ATP6AP1: variants seen among roughly 807,000 people sequenced by gnomAD.
ATP6AP1 encodes ATPase H+ transporting accessory protein 1, also known as V-type proton ATPase subunit S1.
Under a neutral mutation model 32.0 loss-of-function variants are expected in ATP6AP1, and 1 was observed. That is an observed-to-expected ratio of 0.03 (90% confidence interval 0.01 to 0.15). ATP6AP1 has a LOEUF of 0.15. Ranked by LOEUF, ATP6AP1 falls within the 10% of genes least tolerant of loss-of-function variation. The pLI, the probability that ATP6AP1 is intolerant of heterozygous loss-of-function variation, is 1.00. For synonymous variants in ATP6AP1, 187 were observed against 174.9 expected (o/e 1.07, Z -0.55); for missense variants, 297 against 398.8 (o/e 0.74, Z 2.17).
chrX:154,429,116 A>T lies in ATP6AP1; in HGVS notation c.230A>T (p.Tyr77Phe). ...HITSDLQLSTYLDPALELGPR... is the reference protein window; with the variant it reads ...HITSDLQLSTFLDPALELGPR... ...ACCAGCGACTTGCAGCTCTCTACCTACTTAGATCCCGCCCTGGAGCTGGGT... is the reference window on the plus strand; with the variant it reads ...ACCAGCGACTTGCAGCTCTCTACCTTCTTAGATCCCGCCCTGGAGCTGGGT... Residue 77 changes from tyrosine (Y) to phenylalanine (F), a missense_variant, in exon 2 of 10, where the codon TAC (tyrosine) becomes TTC (phenylalanine). Tyr to Phe is a conservative substitution (Grantham distance 22). Coordinates refer to ENST00000369762, the MANE Select transcript of ATP6AP1 (RefSeq NM_001183.6). 8.3e-7 allele frequency: 1 copy of T among 1,211,049 alleles called. No homozygotes were observed. The highest frequency in any genetic ancestry group is 1.7e-5 in the African/African-American group (1 of 57,592).
In ATP6AP1 at chrX:154,428,859, C is replaced by CG; in HGVS notation, c.161+9dup. 1 of 1,088,527 alleles carries CG rather than the reference C, an allele frequency of 9.2e-7. No individual in the cohort carries two copies. Among genetic ancestry groups the CG allele is most frequent in the Non-Finnish European group, 1.2e-6 (1 of 844,384 alleles). The allele number at this position is 1,088,527 out of a possible 1,213,427, so 89.7% of individuals were successfully genotyped here. The stretch of plus-strand genomic sequence containing the variant: ...GTGCTGTGGTCGAGTGACCGGTGAG[C>CG]GGGCCGGGGTGGGATGCGCTGTGGC... On this transcript the variant is annotated splice_region_variant and intron_variant, in intron 1 of 9. Coordinates refer to ENST00000369762, the MANE Select transcript of ATP6AP1 (RefSeq NM_001183.6).
At chrX:154,434,110 G>C (rs2068707276) in intron 6 of ATP6AP1, 98 bp from the exon 7 acceptor site, 19 of 832,997 alleles carry the variant, frequency 2.3e-5, no homozygotes, top group Non-Finnish European at 3.6e-6. Context: ...TAGTGGACAG[G>C]GTGTCCTGTT....
intron 2 of ATP6AP1, 67 bp from the exon 3 acceptor site, chrX:154,431,763 C>A: frequency 1.8e-6 from 2 of 1,083,598 alleles, no homozygotes; most frequent in Non-Finnish European, 1.3e-6. Context: ...GGGAAGGTGG[C>A]TGTCCCCTGC....
At chrX:154,432,043 C>G in intron 3 of ATP6AP1, 139 bp downstream of exon 3, 1 of 737,972 alleles carries the variant, frequency 1.4e-6, no homozygotes, top group Non-Finnish European at 2.0e-6. Context: ...CCAAAAACAA[C>G]AACAACAACA....
Position 154,436,396 on chromosome X carries a change from C to G in ATP6AP1, c.*505C>G, listed in dbSNP as rs2068719867. ...TGTGGCCTGAGAAGGAAGGGACCTC[C>G]ACGACAGGTGGGCTGGGTGCGATCG... On this transcript the variant is annotated 3_prime_UTR_variant, in exon 10 of 10. Transcript: ENST00000369762. 8.7e-6 allele frequency: 1 copy of G among 115,273 alleles called. No individual in the cohort carries two copies. The highest frequency in any genetic ancestry group is 3.3e-5 in the African/African-American group (1 of 30,673). The allele number at this position is 115,273 out of a possible 1,213,427, so 9.5% of individuals were successfully genotyped here. A position where few individuals can be genotyped will look rare whatever the true frequency, so the allele number is the denominator to read the frequency against.
rs1323458317 is a variant in ATP6AP1 at position 154,436,051 on chromosome X, T to C, written c.*160T>C. On this transcript the variant is annotated 3_prime_UTR_variant, in exon 10 of 10. Transcript: ENST00000369762. ...TCCCTCTTCAGCCCGCTGAGGAGCT[T>C]TCTTGGGCTGCCCCCATCTCTCCCA... 1 of 517,885 alleles carries C rather than the reference T, an allele frequency of 1.9e-6. No individual in the cohort carries two copies. Among genetic ancestry groups the C allele is most frequent in the Admixed American group, 3.5e-5 (1 of 28,690 alleles). The allele number at this position is 517,885 out of a possible 1,213,427, so 42.7% of individuals were successfully genotyped here.
rs1447794594 is a variant in ATP6AP1 at position 154,428,734 on chromosome X, G to T, written c.42G>T (p.Pro14=). 3 of 1,147,515 alleles carry T rather than the reference G, an allele frequency of 2.6e-6. No homozygotes were observed. In the South Asian group the frequency reaches 5.8e-5, roughly 22 times the overall value. The allele number at this position is 1,147,515 out of a possible 1,213,427, so 94.6% of individuals were successfully genotyped here. ...AMATARVRMG[P]RCAQALWRMP... ...CGACGGCTCGAGTGCGGATGGGGCC[G>T]CGGTGCGCCCAGGCGCTCTGGCGCA... The change falls in exon 1 of 10, where the codon CCG becomes CCT. Residue 14 remains proline, a synonymous_variant. Transcript: ENST00000369762.
rs782708418 is a variant in ATP6AP1 at position 154,435,502 on chromosome X, C to T, written c.1200C>T (p.Phe400=). The T allele has an allele frequency of 8.3e-7, 1 of 1,210,314 alleles. No individual in the cohort carries two copies. The highest frequency in any genetic ancestry group is 1.8e-5 in the South Asian group (1 of 56,997). The change falls in exon 9 of 10, where the codon TTC becomes TTT. Residue 400 remains phenylalanine, a synonymous_variant. Transcript: ENST00000369762. ...CCTGGCAGATGATGCTTCAGGACTT[C>T]CAGGTATGGAGCGGGCGTGGCCCAG... ...PSPWQMMLQD[F]QIQAFNVMGE... is the part of the protein sequence containing the mutation.
Position 154,436,180 on chromosome X carries a change from T to C in ATP6AP1, c.*289T>C. 2.8e-6 allele frequency: 1 copy of C among 353,077 alleles called. No individual in the cohort carries two copies. The allele number at this position is 353,077 out of a possible 1,213,427, so 29.1% of individuals were successfully genotyped here. A position where few individuals can be genotyped will look rare whatever the true frequency, so the allele number is the denominator to read the frequency against. On this transcript the variant is annotated 3_prime_UTR_variant, in exon 10 of 10. Coordinates refer to ENST00000369762, the MANE Select transcript of ATP6AP1 (RefSeq NM_001183.6). ...AATTCTAGGGTCTCCTTTCTCCTTATTTATTCTTGTGGCTACATCATCCCT... is the reference window on the plus strand; with the variant it reads ...AATTCTAGGGTCTCCTTTCTCCTTACTTATTCTTGTGGCTACATCATCCCT...
Position 154,436,240 on chromosome X carries a change from C to G in ATP6AP1, c.*349C>G, listed in dbSNP as rs1243595180. ...TAGTGCTTTTGTGTAGCAAATGCTCCCTCCTTAAGGTTATAGGGCTCCCTG... is the reference window on the plus strand; with the variant it reads ...TAGTGCTTTTGTGTAGCAAATGCTCGCTCCTTAAGGTTATAGGGCTCCCTG... On this transcript the variant is annotated 3_prime_UTR_variant, in exon 10 of 10. Transcript: ENST00000369762. 2.4e-5 allele frequency: 6 copies of G among 253,044 alleles called. No homozygotes were observed. The highest frequency in any genetic ancestry group is 3.5e-5 in the Non-Finnish European group (5 of 142,298). The allele number at this position is 253,044 out of a possible 1,213,427, so 20.9% of individuals were successfully genotyped here. A position where few individuals can be genotyped will look rare whatever the true frequency, so the allele number is the denominator to read the frequency against.
At chrX:154,432,522 T>C (rs929867343) in intron 4 of ATP6AP1, 63 bp downstream of exon 4, 15 of 1,095,172 alleles carry the variant, frequency 1.4e-5, no homozygotes, top group Middle Eastern at 3.6e-4. Context: ...CCCTGGGCTA[T>C]GGCATGTGGT....
At chrX:154,429,013 C>T (rs1557196345) in intron 1 of ATP6AP1, 35 bp from the exon 2 acceptor site, 1 of 1,202,774 alleles carries the variant, frequency 8.3e-7, no homozygotes, top group Admixed American at 2.2e-5. Context: ...CCACATGCGC[C>T]CCCGTCTGAC....
chrX:154,433,103 G>A, intron 5 of ATP6AP1, 132 bp downstream of exon 5: 2 of 791,564 alleles, frequency 2.5e-6, no homozygotes, highest in Non-Finnish European at 3.7e-6. Flanking sequence ...AGCTGGCAGT[G>A]GAGCAGGGAA....
intron 6 of ATP6AP1, among the ~76,000 whole-genome samples, 158 bp downstream of exon 6, chrX:154,433,878 G>A (rs1451976570): frequency 2.7e-5 from 3 of 111,630 alleles, no homozygotes; most frequent in African/African-American, 6.5e-5. Flanking sequence ...ACTATTTGGA[G>A]TGGCTGACTC....
In ATP6AP1 at chrX:154,436,091, T is replaced by C. The variant is rs1422514572; in HGVS notation, c.*200T>C. On this transcript the variant is annotated 3_prime_UTR_variant, in exon 10 of 10. Transcript: ENST00000369762. ...CATCTCTCCCAACAAGGTGTACATA[T>C]TCTGCGTAGATGCTAGACCAACCAG... 7 of 452,562 alleles carry C rather than the reference T, an allele frequency of 1.5e-5. No homozygotes were observed. Among genetic ancestry groups the C allele is most frequent in the Non-Finnish European group, 1.9e-5 (5 of 263,321 alleles). The allele number at this position is 452,562 out of a possible 1,213,427, so 37.3% of individuals were successfully genotyped here.
intron 2 of ATP6AP1, 153 bp downstream of exon 2, chrX:154,429,327 A>G (rs1557196429): frequency 1.4e-6 from 1 of 707,624 alleles, no homozygotes; most frequent in South Asian, 2.9e-5. Context: ...GGCCTGTAGT[A>G]AACGCTTCAG....
Position 154,435,048 on chromosome X carries a change from T to C in ATP6AP1, c.924-91T>C, listed in dbSNP as rs182392796. On this transcript the variant is annotated intron_variant, in intron 7 of 9. Transcript: ENST00000369762. ...GTGGCTGCAAGGACCCAAGGCAGCT[T>C]AGGTAGGAGCAGAGCTGAGGAACTT... 1.6e-3 allele frequency: 1,607 copies of C among 1,032,958 alleles called. 16 individuals are homozygous for C. The African/African-American group carries it at 0.028, about 18-fold the overall frequency. The allele number at this position is 1,032,958 out of a possible 1,213,427, so 85.1% of individuals were successfully genotyped here.
intron 2 of ATP6AP1, chrX:154,431,399 G>C (rs781971015): frequency 4.4e-4 from 61 of 139,264 alleles, no homozygotes; most frequent in African/African-American, 1.9e-3. Flanking sequence ...AAAAGCAGGT[G>C]GGGGGAGGGT....
chrX:154,435,059 A>C, intron 7 of ATP6AP1, 80 bp from the exon 8 acceptor site: 1 of 1,092,188 alleles, frequency 9.2e-7, no homozygotes, highest in Non-Finnish European at 1.2e-6. Context: ...AGGTAGGAGC[A>C]GAGCTGAGGA....
Sources: gnomAD v4.1 joint callset for allele counts (sites outside exome capture counted in the v4.1 genomes callset) on GRCh38, gnomAD v4.1.1 for gene constraint, MANE v1.5 for transcripts, NCBI Gene and HGNC (gene_info 2026-07-23, HGNC 2026-07-21) for gene names.